The following CDKN2A variants were observed in gnomAD, a reference collection of about 807,000 sequenced individuals.
CDKN2A encodes cyclin dependent kinase inhibitor 2A, also known as cyclin-dependent kinase inhibitor 2A.
A neutral mutation model predicts 11.1 loss-of-function variants in CDKN2A; 3 were observed. The observed-to-expected ratio is 0.27, with a 90% CI of 0.12 to 0.70. The LOEUF (loss-of-function observed/expected upper bound fraction) is 0.70. Among genes scored for constraint, CDKN2A ranks in the 30% least tolerant of loss-of-function variants. The pLI, the probability that CDKN2A is intolerant of heterozygous loss-of-function variation, is 0.77. For synonymous variants in CDKN2A, 122 were observed against 108.1 expected (o/e 1.13, Z -0.80); for missense variants, 265 against 233.6 (o/e 1.13, Z -0.88).
chr9:21,977,036 G>T (rs1453413822), upstream of CDKN2A, among the ~76,000 whole-genome samples: 1 of 152,186 alleles, frequency 6.6e-6, no homozygotes, highest in Non-Finnish European at 1.5e-5. Flanking sequence ...AAACCTTGTA[G>T]ACCCAGTATA....
chr9:21,968,861 C>A lies in CDKN2A; in HGVS notation c.458-619G>T, dbSNP rs1819545716. 3.1e-6 allele frequency: 4 copies of A among 1,307,470 alleles called. No homozygotes were observed. Among genetic ancestry groups the A allele is most frequent in the South Asian group, 2.5e-5 (2 of 79,296 alleles). The allele number at this position is 1,307,470 out of a possible 1,614,324, so 81.0% of individuals were successfully genotyped here. On this transcript the variant is annotated intron_variant, in intron 2 of 2. Transcript: ENST00000304494. The surrounding 1 kb of genome is among the most constrained non-coding windows in gnomAD (Gnocchi z 4.7). The stretch of plus-strand genomic sequence containing the variant: ...TGCGTATGGGCTCCAGCTCGCCGTT[C>A]GGTTCTCCCGAGGCAGCATTTACAC...
In CDKN2A at chr9:21,968,840, T is replaced by C. The variant is rs1819543934; in HGVS notation, c.458-598A>G. On this transcript the variant is annotated intron_variant, in intron 2 of 2. Coordinates refer to ENST00000304494, the MANE Select transcript of CDKN2A (RefSeq NM_000077.5). The surrounding 1 kb of genome is among the most constrained non-coding windows in gnomAD (Gnocchi z 4.7). ...TGCCTTCCTCTCTAATCTCGTTGCG[T>C]ATGGGCTCCAGCTCGCCGTTCGGTT... is the stretch of plus-strand genomic sequence containing the variant. 1 of 1,469,382 alleles carries C rather than the reference T, an allele frequency of 6.8e-7. No homozygotes were observed. Among genetic ancestry groups the C allele is most frequent in the African/African-American group, 1.4e-5 (1 of 71,712 alleles). 91.0% of individuals were successfully genotyped at this position (1,469,382 alleles called of 1,614,324 possible).
intron 2 of CDKN2A, among the ~76,000 whole-genome samples, chr9:21,984,295 A>C (rs973994243): frequency 2.0e-5 from 3 of 151,824 alleles, no homozygotes; most frequent in South Asian, 4.1e-4. Flanking sequence ...TCCAAAAAAA[A>C]CCCCTCATTA....
intron 2 of CDKN2A, among the ~76,000 whole-genome samples, chr9:21,993,585 C>T (rs1359788897): frequency 1.3e-5 from 2 of 152,162 alleles, no homozygotes; most frequent in Non-Finnish European, 2.9e-5. Flanking sequence ...TTGCTCCTCG[C>T]AGCAGTAACT....
Position 21,968,430 on chromosome 9 carries a change from A to G in CDKN2A, c.458-188T>C. 4 of 1,505,846 alleles carry G rather than the reference A, an allele frequency of 2.7e-6. No individual in the cohort carries two copies. The highest frequency in any genetic ancestry group is 2.6e-5 in the South Asian group (2 of 78,240). 93.3% of individuals were successfully genotyped at this position (1,505,846 alleles called of 1,614,324 possible). A position where few individuals can be genotyped will look rare whatever the true frequency, so the allele number is the denominator to read the frequency against. On this transcript the variant is annotated intron_variant, in intron 2 of 2. Transcript: ENST00000304494. The surrounding 1 kb of genome is among the most constrained non-coding windows in gnomAD (Gnocchi z 4.7). ...ACCTCCCTGGTCCAGCAGCTAGTCC[A>G]CTGCCCGCCTGGCTGCTCCAGGCGC...
chr9:21,988,345 T>C lies in CDKN2A; in HGVS notation c.-4+5537A>G, dbSNP rs1333879077. Among the ~76,000 whole-genome samples, 2 of 152,234 alleles carry C rather than the reference T, an allele frequency of 1.3e-5. No homozygotes were observed. The highest frequency in any genetic ancestry group is 2.4e-5 in the African/African-American group (1 of 41,458). On this transcript the variant is annotated intron_variant, in intron 2 of 3. Coordinates refer to the CDKN2A transcript ENST00000494262. This position sits in a 1 kb window ranked among gnomAD's most constrained non-coding sequence, Gnocchi z 4.1. Reference sequence around the variant, plus strand: ...TCATAAAAATTAAAAATCAACATACTATTTTTTGAAAGGACCTCTGATGCT... The same window carrying C: ...TCATAAAAATTAAAAATCAACATACCATTTTTTGAAAGGACCTCTGATGCT...
chr9:21,970,191 A>C (rs1819639971), intron 2 of CDKN2A: 2 of 242,214 alleles, frequency 8.3e-6, no homozygotes, highest in Admixed American at 5.6e-5. Context: ...GGATGCTTTG[A>C]GATCACAAAA....
chr9:21,974,572 C>T lies in CDKN2A; in HGVS notation c.150+106G>A, dbSNP rs2131110492. 2 of 1,613,770 alleles carry T rather than the reference C, an allele frequency of 1.2e-6. No homozygotes were observed. The highest frequency in any genetic ancestry group is 1.7e-6 in the Non-Finnish European group (2 of 1,180,032). ...TCTGAAAACTCCCCAGGAAGCCTCC[C>T]CTTTTTCCGGAGAATCGAAGCGCTA... On this transcript the variant is annotated intron_variant, in intron 1 of 2. Transcript: ENST00000304494. This position sits in a 1 kb window ranked among gnomAD's most constrained non-coding sequence, Gnocchi z 5.2.
At chr9:21,982,700 GA>G (rs1820221276) in intron 2 of CDKN2A, among the ~76,000 whole-genome samples, 1 of 151,960 alleles carries the variant, frequency 6.6e-6, no homozygotes, top group South Asian at 2.1e-4. Flanking sequence ...GAGATAGGCA[GA>G]AAGAAATAGA....
chr9:21,971,446 G>T, intron 1 of CDKN2A: 1 of 1,253,536 alleles, frequency 8.0e-7, no homozygotes, highest in Non-Finnish European at 1.1e-6. Context: ...CAGGCAGAGA[G>T]CACTGTGAGG....
intron 2 of CDKN2A, among the ~76,000 whole-genome samples, chr9:21,980,096 C>A (rs1820136482): frequency 1.3e-5 from 2 of 152,168 alleles, no homozygotes; most frequent in Admixed American, 1.3e-4. Context: ...GGCAATAGCT[C>A]TACACTGAGA....
chr9:21,990,651 A>AGAGAGAGAGAGAGAG (rs1464228871), intron 2 of CDKN2A, among the ~76,000 whole-genome samples: 328 of 147,636 alleles, frequency 2.2e-3, no homozygotes, highest in Middle Eastern at 0.011. Context: ...AGAGAGAGAG[A>AGAGAGAGAGAGAGAG]AACTGTTTAC....
Position 21,968,763 on chromosome 9 carries a change from C to T in CDKN2A, c.458-521G>A, listed in dbSNP as rs1482483082. The T allele has an allele frequency of 6.5e-7, 1 of 1,536,090 alleles. No individual in the cohort carries two copies. The highest frequency in any genetic ancestry group is 2.4e-5 in the East Asian group (1 of 40,914). On this transcript the variant is annotated intron_variant, in intron 2 of 2. Coordinates refer to ENST00000304494, the MANE Select transcript of CDKN2A (RefSeq NM_000077.5). This position sits in a 1 kb window ranked among gnomAD's most constrained non-coding sequence, Gnocchi z 4.7. ...CTTCTACAAACCCACAAATGGTTTCCGATCATTTCTGAAACAAAATGGATG... is the reference window on the plus strand; with the variant it reads ...CTTCTACAAACCCACAAATGGTTTCTGATCATTTCTGAAACAAAATGGATG...
At chr9:21,977,344 C>T (rs1392938274), upstream of CDKN2A, among the ~76,000 whole-genome samples, 3 of 151,998 alleles carry the variant, frequency 2.0e-5, no homozygotes, top group Non-Finnish European at 4.4e-5. Flanking sequence ...ATGGTTCTTT[C>T]TTTTTGTTTG....
At chr9:21,974,956 C>T (rs1819977662), upstream of CDKN2A, 8 of 1,419,344 alleles carry the variant, frequency 5.6e-6, no homozygotes, top group Admixed American at 3.2e-5. The surrounding 1 kb of genome is among the most constrained non-coding windows in gnomAD (Gnocchi z 5.2). Flanking sequence ...GAAGAGCCCC[C>T]TCCGACCCTG....
At position 21,974,545 on chromosome 9, in the gene CDKN2A, C is replaced by G. The variant is rs752016743; in HGVS notation, c.150+133G>C. 3.1e-6 allele frequency: 5 copies of G among 1,613,376 alleles called. No individual in the cohort carries two copies. The Admixed American group carries it at 8.3e-5, about 27-fold the overall frequency. ...GGAGGAGGTCTGTGATTACAAACCC[C>G]TTCTGAAAACTCCCCAGGAAGCCTC... On this transcript the variant is annotated intron_variant, in intron 1 of 2. Transcript: ENST00000304494. The surrounding 1 kb of genome is among the most constrained non-coding windows in gnomAD (Gnocchi z 5.2).
chr9:21,994,352 C>G (rs1483320123), intron 1 of CDKN2A: 13 of 1,606,774 alleles, frequency 8.1e-6, no homozygotes, highest in Non-Finnish European at 1.1e-5. Flanking sequence ...CCTCCAGGGC[C>G]GAGCTCGGCA....
chr9:21,975,142 A>T (rs36228836), upstream of CDKN2A: 7,586 of 1,207,918 alleles, frequency 6.3e-3, 531 homozygotes, highest in East Asian at 0.18. Flanking sequence ...CGCCAGAGCC[A>T]GCGTTGGCAA....
intron 2 of CDKN2A, among the ~76,000 whole-genome samples, chr9:21,983,148 G>C (rs917464537): frequency 1.2e-4 from 18 of 152,036 alleles, no homozygotes; most frequent in African/African-American, 4.1e-4. Flanking sequence ...CATAGTGATA[G>C]AAATTTGGAA....
Sources: gnomAD v4.1 joint callset for allele counts (sites outside exome capture counted in the v4.1 genomes callset) on GRCh38, gnomAD v4.1.1 for gene constraint, Gnocchi (gnomAD v3.1) non-coding constraint, MANE v1.5 for transcripts, NCBI Gene and HGNC (gene_info 2026-07-23, HGNC 2026-07-21) for gene names.